UBIAD1: variants seen among roughly 807,000 people sequenced by gnomAD.
UBIAD1 encodes ubiA prenyltransferase domain-containing protein 1.
In UBIAD1, 12 loss-of-function variants were observed where a neutral mutation model predicts 20.1. The ratio of observed to expected loss-of-function variants is 0.60; its 90% CI spans 0.38 to 0.97. The LOEUF (loss-of-function observed/expected upper bound fraction) is 0.97. Among genes scored for constraint, UBIAD1 ranks in the 50% least tolerant of loss-of-function variants. The pLI is 0.00. For synonymous variants in UBIAD1, 207 were observed against 189.2 expected (o/e 1.09, Z -0.77); for missense variants, 333 against 419.5 (o/e 0.79, Z 1.80).
At chr1:11,292,810 C>T (rs1423262872), downstream of UBIAD1, among the ~76,000 whole-genome samples, 1 of 152,004 alleles carries the variant, frequency 6.6e-6, no homozygotes. Flanking sequence ...GGACTGTCAG[C>T]CTCTTTCATT....
chr1:11,284,939 C>A (rs919509752), intron 1 of UBIAD1, among the ~76,000 whole-genome samples: 1 of 151,830 alleles, frequency 6.6e-6, no homozygotes, highest in Non-Finnish European at 1.5e-5. Flanking sequence ...GGAGGGTGGC[C>A]CCGGGGATGG....
intron 1 of UBIAD1, among the ~76,000 whole-genome samples, chr1:11,277,952 CT>C (rs1282740449): frequency 5.9e-5 from 9 of 151,804 alleles, no homozygotes; most frequent in Admixed American, 5.3e-4. Context: ...CCTCTGTTTT[CT>C]TTTTCCTTTC....
intron 1 of UBIAD1, among the ~76,000 whole-genome samples, chr1:11,274,816 G>C (rs905146014): frequency 1.6e-4 from 24 of 152,040 alleles, no homozygotes; most frequent in African/African-American, 5.6e-4. Flanking sequence ...CACCATGTTG[G>C]CCAGGCTGGT....
chr1:11,277,524 T>C (rs1251709751), intron 1 of UBIAD1, among the ~76,000 whole-genome samples: 3 of 152,176 alleles, frequency 2.0e-5, no homozygotes, highest in African/African-American at 7.2e-5. Flanking sequence ...TCAACCCTCC[T>C]TGGCCTCCTA....
chr1:11,274,119 G>C (rs1331723772), intron 1 of UBIAD1, 59 bp downstream of exon 1: 39 of 1,602,000 alleles, frequency 2.4e-5, no homozygotes, highest in Non-Finnish European at 3.2e-5. Context: ...GGAAACCGCT[G>C]CTTTGTAAAG....
Sources: allele counts gnomAD v4.1 joint callset (sites outside exome capture counted in the v4.1 genomes callset), GRCh38; gene constraint gnomAD v4.1.1; transcripts MANE v1.5; gene names NCBI Gene and HGNC (gene_info 2026-07-23, HGNC 2026-07-21).